Variants in CREB3L2 observed in about 807,000 individuals in gnomAD.
CREB3L2 encodes the protein cyclic AMP-responsive element-binding protein 3-like protein 2.
Under a neutral mutation model 57.2 loss-of-function variants are expected in CREB3L2, and 23 were observed. That is an observed-to-expected ratio of 0.40 (90% CI 0.29 to 0.57). The LOEUF (loss-of-function observed/expected upper bound fraction) is 0.57. Among genes scored for constraint, CREB3L2 ranks in the 20% least tolerant of loss-of-function variants. The pLI is 0.42. For missense variants in CREB3L2, 628 were observed against 634.7 expected (o/e 0.99, Z 0.11); for synonymous variants, 268 against 265.1 (o/e 1.01, Z -0.11).
chr7:137,993,448 G>A (rs1396187264), intron 1 of CREB3L2, among the ~76,000 whole-genome samples: 1 of 152,106 alleles, frequency 6.6e-6, no homozygotes, highest in Non-Finnish European at 1.5e-5. Flanking sequence ...AATTACCCAA[G>A]TCACTATTAT....
chr7:137,899,123 A>AGGAAGGAAGGAG (rs1799694791), intron 8 of CREB3L2, among the ~76,000 whole-genome samples: 1 of 140,924 alleles, frequency 7.1e-6, no homozygotes, highest in Admixed American at 7.0e-5. Context: ...GAAGGAAGGA[A>AGGAAGGAAGGAG]GGAAGGAAGG....
At chr7:137,932,458 C>T (rs1800669682) in intron 1 of CREB3L2, among the ~76,000 whole-genome samples, 3 of 152,222 alleles carry the variant, frequency 2.0e-5, no homozygotes, top group South Asian at 2.1e-4. Context: ...CTAGGCCGGG[C>T]GCAGTGGCTC....
intron 1 of CREB3L2, among the ~76,000 whole-genome samples, chr7:137,957,325 T>C (rs1801235674): frequency 6.6e-6 from 1 of 152,232 alleles, no homozygotes; most frequent in Non-Finnish European, 1.5e-5. Context: ...ACTTACTTTC[T>C]GCATTTTTTT....
At chr7:137,966,736 G>C (rs1200454274) in intron 1 of CREB3L2, among the ~76,000 whole-genome samples, 2 of 152,170 alleles carry the variant, frequency 1.3e-5, no homozygotes, top group African/African-American at 4.8e-5. Context: ...CCCTGCAGTG[G>C]CTTACTGACA....
chr7:137,904,509 C>T (rs1211084020), intron 6 of CREB3L2, among the ~76,000 whole-genome samples: 2 of 152,036 alleles, frequency 1.3e-5, no homozygotes, highest in Non-Finnish European at 2.9e-5. Context: ...ACTAAAAATA[C>T]AAAAATTAGC....
rs2117167894 is a variant in CREB3L2 at position 137,879,331 on chromosome 7, T to C, written c.*1145A>G. On this transcript the variant is annotated 3_prime_UTR_variant, in exon 12 of 12. Coordinates refer to ENST00000330387, the MANE Select transcript of CREB3L2 (RefSeq NM_194071.4). Reference sequence around the variant, plus strand: ...GAGGTAGGGGACGAGGAGGACAAAGTGGAAGTGTGGAGGGAGGAGGGGGCC... The same window carrying C: ...GAGGTAGGGGACGAGGAGGACAAAGCGGAAGTGTGGAGGGAGGAGGGGGCC... 1.9e-6 allele frequency: 1 copy of C among 516,000 alleles called. No homozygotes were observed. The highest frequency in any genetic ancestry group is 3.7e-6 in the Non-Finnish European group (1 of 268,752). The allele number at this position is 516,000 out of a possible 1,614,324, so 32.0% of individuals were successfully genotyped here.
At chr7:137,944,902 AT>A (rs1043859615) in intron 1 of CREB3L2, among the ~76,000 whole-genome samples, 12 of 149,692 alleles carry the variant, frequency 8.0e-5, no homozygotes, top group African/African-American at 2.2e-4. Context: ...TTTATTTTTT[AT>A]TTTTTTTGAG....
chr7:137,902,598 C>T (rs1407042977), intron 7 of CREB3L2, among the ~76,000 whole-genome samples: 1 of 152,146 alleles, frequency 6.6e-6, no homozygotes, highest in African/African-American at 2.4e-5. Context: ...AGTTCCAGAA[C>T]TCCCCACAGA....
rs191112984 is a variant in CREB3L2, at chr7:137,978,563, G to A, written c.102+23041C>T. On this transcript the variant is annotated intron_variant, in intron 1 of 11. Coordinates refer to ENST00000330387, the MANE Select transcript of CREB3L2 (RefSeq NM_194071.4). ...AAGTTGGCAATGGCAGGCCCGGTAC[G>A]ATGTAAAGGTTAGGAAGTCATGTCA... 3.9e-5 allele frequency among the ~76,000 whole-genome samples: 6 copies of A among 152,294 alleles called. No individual in the cohort carries two copies. The East Asian group carries it at 5.8e-4, about 15-fold the overall frequency.
At chr7:137,989,691 C>A (rs553642531) in intron 1 of CREB3L2, among the ~76,000 whole-genome samples, 1 of 152,124 alleles carries the variant, frequency 6.6e-6, no homozygotes, top group Non-Finnish European at 1.5e-5. Flanking sequence ...ATGCCCTTTA[C>A]GTGTCGCTCC....
intron 1 of CREB3L2, among the ~76,000 whole-genome samples, chr7:137,958,852 G>A (rs552408980): frequency 2.7e-4 from 41 of 152,312 alleles, no homozygotes; most frequent in African/African-American, 9.9e-4. Context: ...TTAAATCCAA[G>A]GAAGGTCCAG....
Position 137,905,691 on chromosome 7 carries a change from G to T in CREB3L2, c.915+11C>A, listed in dbSNP as rs764487492. ...CTCTGCTCTAGAAGTGCCTAGATTT[G>T]AAGAGCTCACCTTATTCTTGATCTT... On this transcript the variant is annotated intron_variant, in intron 6 of 11. Coordinates refer to ENST00000330387, the MANE Select transcript of CREB3L2 (RefSeq NM_194071.4). 6.2e-7 allele frequency: 1 copy of T among 1,613,996 alleles called. No homozygotes were observed. The highest frequency in any genetic ancestry group is 8.5e-7 in the Non-Finnish European group (1 of 1,179,882).
rs553039981 is a variant in CREB3L2, at chr7:137,918,508, T to C, written c.320-2496A>G. Among the ~76,000 whole-genome samples, 5 of 152,098 alleles carry C rather than the reference T, an allele frequency of 3.3e-5. No homozygotes were observed. The East Asian group carries it at 7.7e-4, about 24-fold the overall frequency. Reference sequence around the variant, plus strand: ...GCTTTTGCTTTTTGAAGTCAACACTTAAAGCCTGCCCACACTGAGTAATAT... The same window carrying C: ...GCTTTTGCTTTTTGAAGTCAACACTCAAAGCCTGCCCACACTGAGTAATAT... On this transcript the variant is annotated intron_variant, in intron 2 of 11. Transcript: ENST00000330387.
intron 1 of CREB3L2, among the ~76,000 whole-genome samples, chr7:137,972,702 A>ACAACAACAAC (rs1443718414): frequency 9.7e-5 from 4 of 41,042 alleles, no homozygotes; most frequent in African/African-American, 6.3e-4. Context: ...AAAAAAAAAA[A>ACAACAACAAC]AAAAAAAAAA....
chr7:137,972,982 T>C (rs984186696), intron 1 of CREB3L2, among the ~76,000 whole-genome samples: 2 of 150,630 alleles, frequency 1.3e-5, no homozygotes, highest in Non-Finnish European at 3.0e-5. Flanking sequence ...AATCCCTATA[T>C]AGGAAAGAAG....
chr7:137,947,744 G>T (rs1174311605), intron 1 of CREB3L2, among the ~76,000 whole-genome samples: 1 of 152,190 alleles, frequency 6.6e-6, no homozygotes, highest in Non-Finnish European at 1.5e-5. Context: ...AAACTGAGGG[G>T]AGGGAGGAAG....
At chr7:137,950,217 A>C (rs1249536354) in intron 1 of CREB3L2, among the ~76,000 whole-genome samples, 3 of 152,198 alleles carry the variant, frequency 2.0e-5, no homozygotes, top group African/African-American at 7.2e-5. Context: ...TGGTTTTGTC[A>C]TGGATTTGTG....
intron 1 of CREB3L2, among the ~76,000 whole-genome samples, chr7:137,997,392 A>T: frequency 6.6e-6 from 1 of 152,314 alleles, no homozygotes; most frequent in Middle Eastern, 3.4e-3. Context: ...TATATAAAAT[A>T]CATTTTAAAA....
Position 138,001,155 on chromosome 7 carries a change from GAA to G in CREB3L2, c.102+447_102+448del, listed in dbSNP as rs1398838289. 1.4e-5 allele frequency among the ~76,000 whole-genome samples: 2 copies of G among 145,418 alleles called. No homozygotes were observed. The highest frequency in any genetic ancestry group is 3.0e-5 in the Non-Finnish European group (2 of 66,034). On this transcript the variant is annotated intron_variant, in intron 1 of 11. Coordinates refer to ENST00000330387, the MANE Select transcript of CREB3L2 (RefSeq NM_194071.4). The surrounding 1 kb of genome is among the most constrained non-coding windows in gnomAD (Gnocchi z 4.2). ...TACTTTTTAAAATATAAATATGAAA[GAA>G]GAGGAAGGGAGGGAGAGAGGGAGAG...
Sources: gnomAD v4.1 joint callset for allele counts (sites outside exome capture counted in the v4.1 genomes callset) on GRCh38, gnomAD v4.1.1 for gene constraint, Gnocchi (gnomAD v3.1) non-coding constraint, MANE v1.5 for transcripts, NCBI Gene and HGNC (gene_info 2026-07-23, HGNC 2026-07-21) for gene names.